Variants in IAPP observed in about 807,000 individuals in gnomAD.
IAPP encodes Islet amyloid polypeptide (diabetes-associated peptide; amylin).
In IAPP, 4 loss-of-function variants were observed where a neutral mutation model predicts 2.9. That is an observed-to-expected ratio of 1.39 (90% CI 0.69 to 3.19). The LOEUF is 3.19. IAPP is among the 30% of genes most tolerant of loss of function. IAPP has a pLI of 0.01. For synonymous variants in IAPP, 40 were observed against 42.1 expected, an observed-to-expected ratio of 0.95 and a Z score of 0.19; for missense variants, 114 against 105.3, an observed-to-expected ratio of 1.08 and a Z score of -0.36.
At chr12:21,369,095 T>C (rs922701791), upstream of IAPP, among the ~76,000 whole-genome samples, 13 of 152,158 alleles carry the variant, frequency 8.5e-5, no homozygotes, top group Non-Finnish European at 1.2e-4. Context: ...CTAATACCAT[T>C]TGAACACATA....
At chr12:21,356,636 A>C (rs1938390726) in intron 1 of IAPP, among the ~76,000 whole-genome samples, 3 of 152,178 alleles carry the variant, frequency 2.0e-5, no homozygotes. Context: ...AACAATTCAC[A>C]GTAAAGATAT....
intron 2 of IAPP, among the ~76,000 whole-genome samples, chr12:21,375,768 G>A (rs1222116668): frequency 6.6e-6 from 1 of 152,146 alleles, no homozygotes; most frequent in South Asian, 2.1e-4. Flanking sequence ...CAATTTAAGA[G>A]TTATACTTTG....
upstream of IAPP, among the ~76,000 whole-genome samples, chr12:21,370,325 CCTTTT>C (rs201610916): frequency 0.011 from 1,601 of 151,120 alleles, 16 homozygotes; most frequent in Non-Finnish European, 0.018. Context: ...ACCAGGTCTT[CCTTTT>C]CTTTTTTTTT....
At chr12:21,362,086 A>T (rs1181360055) in intron 1 of IAPP, among the ~76,000 whole-genome samples, 1 of 152,162 alleles carries the variant, frequency 6.6e-6, no homozygotes, top group Non-Finnish European at 1.5e-5. Context: ...TCCAAGACAC[A>T]TAATTGTCAG....
intron 1 of IAPP, among the ~76,000 whole-genome samples, chr12:21,356,535 T>A (rs1040623878): frequency 1.7e-4 from 22 of 127,842 alleles, no homozygotes; most frequent in African/African-American, 5.8e-4. Flanking sequence ...AAAAAATGAG[T>A]CATGATCATA....
intron 1 of IAPP, among the ~76,000 whole-genome samples, chr12:21,366,372 G>T (rs1939382929): frequency 6.7e-6 from 1 of 149,426 alleles, no homozygotes; most frequent in African/African-American, 2.5e-5. Flanking sequence ...ACACAGGGTG[G>T]GGAACATCAC....
intron 1 of IAPP, among the ~76,000 whole-genome samples, chr12:21,357,286 G>A (rs1230819380): frequency 2.0e-5 from 3 of 152,132 alleles, no homozygotes; most frequent in African/African-American, 2.4e-5. Context: ...GGGAAGTTTG[G>A]TCACAGAGAC....
chr12:21,376,892 A>G (rs1036332949), intron 2 of IAPP, among the ~76,000 whole-genome samples: 1 of 152,098 alleles, frequency 6.6e-6, no homozygotes, highest in Non-Finnish European at 1.5e-5. Context: ...TTTGATTTCT[A>G]TGGAGCTGAA....
chr12:21,365,681 GAACTTA>G (rs1939319579), intron 1 of IAPP, among the ~76,000 whole-genome samples: 2 of 151,886 alleles, frequency 1.3e-5, no homozygotes, highest in Non-Finnish European at 2.9e-5. Flanking sequence ...AATCTACAAA[GAACTTA>G]AACAAATTTA....
intron 1 of IAPP, among the ~76,000 whole-genome samples, chr12:21,367,383 G>C (rs1318758359): frequency 6.6e-6 from 1 of 151,934 alleles, no homozygotes. Flanking sequence ...GAAAGCAAAA[G>C]GATAAAAACA....
rs184282184 is a variant in IAPP, at chr12:21,361,131, C to T, written c.-16+6118C>T. 7.9e-3 allele frequency among the ~76,000 whole-genome samples: 1,192 copies of T among 151,528 alleles called. 13 individuals are homozygous for T. Among genetic ancestry groups the T allele is most frequent in the African/African-American group, 0.027 (1,117 of 41,206 alleles). On this transcript the variant is annotated intron_variant, in intron 1 of 2. Coordinates refer to the IAPP transcript ENST00000539393. ...CCTGAGTAGCCTAACTGGGAGGCAC[C>T]TCCCAGTAGGGGCCGACAGACACCT...
chr12:21,356,318 A>C (rs765506945), intron 1 of IAPP, among the ~76,000 whole-genome samples: 2 of 152,082 alleles, frequency 1.3e-5, no homozygotes, highest in Non-Finnish European at 2.9e-5. Flanking sequence ...AAACATACCT[A>C]TGATATTAAG....
At chr12:21,360,478 G>T (rs1344239737) in intron 1 of IAPP, among the ~76,000 whole-genome samples, 1 of 152,256 alleles carries the variant, frequency 6.6e-6, no homozygotes, top group Non-Finnish European at 1.5e-5. Context: ...GCAGCTCCCA[G>T]TGTGAAGGAC....
chr12:21,373,441 T>G lies in IAPP; in HGVS notation c.80+10T>G. 1 of 1,588,110 alleles carries G rather than the reference T, an allele frequency of 6.3e-7. No homozygotes were observed. The highest frequency in any genetic ancestry group is 8.6e-7 in the Non-Finnish European group (1 of 1,156,512). Reference sequence around the variant, plus strand: ...CTACACCCATTGAAAGGTTGGTAACTTTAAAATCCTGTTTCTTTGTAACTT... The same window carrying G: ...CTACACCCATTGAAAGGTTGGTAACGTTAAAATCCTGTTTCTTTGTAACTT... On this transcript the variant is annotated intron_variant, in intron 2 of 2. Coordinates refer to ENST00000240652, the MANE Select transcript of IAPP (RefSeq NM_000415.3).
At chr12:21,373,888 T>G (rs1212300396) in intron 2 of IAPP, among the ~76,000 whole-genome samples, 1 of 152,162 alleles carries the variant, frequency 6.6e-6, no homozygotes, top group East Asian at 1.9e-4. Flanking sequence ...CTTTTACATC[T>G]TGTGGAAATG....
chr12:21,374,831 C>T (rs1179019349), intron 2 of IAPP, among the ~76,000 whole-genome samples: 1 of 151,770 alleles, frequency 6.6e-6, no homozygotes, highest in African/African-American at 2.4e-5. Context: ...CTCTCTCTCT[C>T]TCTCTCTCTG....
intron 1 of IAPP, among the ~76,000 whole-genome samples, chr12:21,362,367 C>A (rs985878507): frequency 3.3e-5 from 5 of 152,118 alleles, no homozygotes; most frequent in Admixed American, 6.5e-5. Flanking sequence ...TTTGTCACCA[C>A]CATGCCTGAC....
At chr12:21,374,136 T>G (rs1005678822) in intron 2 of IAPP, among the ~76,000 whole-genome samples, 5 of 152,164 alleles carry the variant, frequency 3.3e-5, no homozygotes, top group African/African-American at 9.6e-5. Flanking sequence ...TCCTGGGAAG[T>G]CTTATTACGA....
chr12:21,367,740 C>T (rs1053869198), intron 1 of IAPP, among the ~76,000 whole-genome samples: 7 of 151,206 alleles, frequency 4.6e-5, no homozygotes, highest in Non-Finnish European at 8.9e-5. Flanking sequence ...ATCAAAGTAC[C>T]GAGACTACAA....
Sources: gnomAD v4.1 joint callset for allele counts (sites outside exome capture counted in the v4.1 genomes callset) on GRCh38, gnomAD v4.1.1 for gene constraint, MANE v1.5 for transcripts, NCBI Gene and HGNC (gene_info 2026-07-23, HGNC 2026-07-21) for gene names.